ACVR1C: variants seen among roughly 807,000 people sequenced by gnomAD.
ACVR1C encodes activin A receptor type 1C.
Under a neutral mutation model 57.9 loss-of-function variants are expected in ACVR1C, and 23 were observed. The ratio of observed to expected loss-of-function variants is 0.40; its 90% CI spans 0.29 to 0.56. The LOEUF is 0.56. Ranked by LOEUF, ACVR1C falls within the 20% of genes least tolerant of loss-of-function variation. The probability of loss-of-function intolerance (pLI) is 0.50; values close to 1 mark genes in which losing one functional copy is unlikely to be tolerated. For missense variants in ACVR1C, 480 were observed against 607.9 expected, an observed-to-expected ratio of 0.79 and a Z score of 2.21; for synonymous variants, 214 against 215.3, an observed-to-expected ratio of 0.99 and a Z score of 0.05.
In ACVR1C at chr2:157,616,357, C is replaced by A. The variant is rs542008065; in HGVS notation, c.73+12215G>T. ...GTGTCAGGTCAATTGATGAGCACAC[C>A]AAAGGCATTCTTCATTTGTTTTTCA... On this transcript the variant is annotated intron_variant, in intron 1 of 8. Transcript: ENST00000243349. 2.2e-4 allele frequency among the ~76,000 whole-genome samples: 34 copies of A among 152,128 alleles called. 1 individual carries two copies. In the East Asian group the frequency reaches 6.2e-3, roughly 28 times the overall value.
At chr2:157,552,595 C>A (rs562250168) in intron 3 of ACVR1C, among the ~76,000 whole-genome samples, 59 of 152,310 alleles carry the variant, frequency 3.9e-4, no homozygotes, top group African/African-American at 1.4e-3. Flanking sequence ...AACATCACTA[C>A]CAACAACCAG....
chr2:157,613,450 G>GTT (rs149031600), intron 1 of ACVR1C, among the ~76,000 whole-genome samples: 1 of 150,458 alleles, frequency 6.6e-6, no homozygotes, highest in African/African-American at 2.4e-5. Flanking sequence ...TTTTTGTTGT[G>GTT]TTTTTTTTCC....
At chr2:157,587,644 G>C (rs1164255521) in intron 1 of ACVR1C, among the ~76,000 whole-genome samples, 1 of 151,926 alleles carries the variant, frequency 6.6e-6, no homozygotes, top group Admixed American at 6.6e-5. Flanking sequence ...ATTTATTCCA[G>C]TTGCTACTAT....
At chr2:157,601,337 A>T (rs965959040) in intron 1 of ACVR1C, among the ~76,000 whole-genome samples, 1 of 152,006 alleles carries the variant, frequency 6.6e-6, no homozygotes, top group Non-Finnish European at 1.5e-5. Context: ...TAAAAATAAA[A>T]AAAATAAAAA....
intron 4 of ACVR1C, among the ~76,000 whole-genome samples, chr2:157,546,889 CAT>C (rs1247606359): frequency 6.6e-6 from 1 of 151,742 alleles, no homozygotes; most frequent in Non-Finnish European, 1.5e-5. Context: ...CATATGTAGA[CAT>C]GTGCCATGCT....
chr2:157,586,742 A>G (rs1688931308), intron 2 of ACVR1C, among the ~76,000 whole-genome samples: 1 of 152,136 alleles, frequency 6.6e-6, no homozygotes, highest in African/African-American at 2.4e-5. Context: ...TATGCAGAGG[A>G]TATCCCTGAA....
At chr2:157,549,723 C>T (rs937505413) in intron 4 of ACVR1C, among the ~76,000 whole-genome samples, 6 of 151,356 alleles carry the variant, frequency 4.0e-5, no homozygotes, top group African/African-American at 1.2e-4. Flanking sequence ...CGGTGGCTCA[C>T]GCCTGTAATC....
At chr2:157,603,534 A>G (rs530475064) in intron 1 of ACVR1C, among the ~76,000 whole-genome samples, 1 of 152,146 alleles carries the variant, frequency 6.6e-6, no homozygotes, top group East Asian at 1.9e-4. Context: ...CAAGTAGCCC[A>G]TAAGTGTTCT....
chr2:157,620,054 T>C (rs1682734518), intron 1 of ACVR1C, among the ~76,000 whole-genome samples: 1 of 152,062 alleles, frequency 6.6e-6, no homozygotes, highest in South Asian at 2.1e-4. Context: ...TCTCTATACT[T>C]CTAAAGGGGT....
intron 2 of ACVR1C, among the ~76,000 whole-genome samples, chr2:157,564,066 C>T (rs960985371): frequency 2.0e-5 from 3 of 152,152 alleles, no homozygotes; most frequent in Non-Finnish European, 4.4e-5. Context: ...GCAAAGATTT[C>T]GTGATGAAAA....
rs577070222 is a variant in ACVR1C at position 157,535,776 on chromosome 2, C to A, written c.1357-1733G>T. On this transcript the variant is annotated intron_variant, in intron 8 of 8. Transcript: ENST00000243349. ...CCAGCCTGGGCAACAAAGCAAGATTCTGCCTCAAAAAAATAAATAAATAAA... is the reference window on the plus strand; with the variant it reads ...CCAGCCTGGGCAACAAAGCAAGATTATGCCTCAAAAAAATAAATAAATAAA... Among the ~76,000 whole-genome samples, 34 of 152,268 alleles carry A rather than the reference C, an allele frequency of 2.2e-4. No individual in the cohort carries two copies. In the South Asian group the frequency reaches 7.0e-3, roughly 31 times the overall value.
Position 157,528,974 on chromosome 2 carries a change from A to T in ACVR1C, c.*4944T>A, listed in dbSNP as rs1687296842. 1 of 152,188 alleles carries T rather than the reference A, an allele frequency of 6.6e-6. No homozygotes were observed. The highest frequency in any genetic ancestry group is 2.4e-5 in the African/African-American group (1 of 41,446). 9.4% of individuals were successfully genotyped at this position (152,188 alleles called of 1,614,324 possible). On this transcript the variant is annotated 3_prime_UTR_variant, in exon 9 of 9. Transcript: ENST00000243349. ...ACAACTAAAGAAATACAGGAATTAT[A>T]GAGTGACTTGGGATTGATGAGATCT...
At chr2:157,573,488 A>G (rs1198108929) in intron 2 of ACVR1C, among the ~76,000 whole-genome samples, 1 of 152,148 alleles carries the variant, frequency 6.6e-6, no homozygotes, top group South Asian at 2.1e-4. Context: ...TACCCTTTTA[A>G]GCACTGTATG....
intron 1 of ACVR1C, among the ~76,000 whole-genome samples, chr2:157,609,944 C>G (rs932129467): frequency 6.6e-6 from 1 of 151,914 alleles, no homozygotes; most frequent in African/African-American, 2.4e-5. Flanking sequence ...AGAATTTAAT[C>G]CATTTCTATT....
At position 157,597,138 on chromosome 2, in the gene ACVR1C, C is replaced by A. The variant is rs1028363178; in HGVS notation, c.74-9721G>T. Among the ~76,000 whole-genome samples the A allele has an allele frequency of 2.6e-5, 4 of 152,280 alleles. No homozygotes were observed. In the East Asian group the frequency reaches 5.8e-4, roughly 22 times the overall value. ...GTCCTCCAAGACGGTCCAGACAGCACCCACCAGCCTGAGGAAACCGCGGCA... is the reference window on the plus strand; with the variant it reads ...GTCCTCCAAGACGGTCCAGACAGCAACCACCAGCCTGAGGAAACCGCGGCA... On this transcript the variant is annotated intron_variant, in intron 1 of 8. Coordinates refer to ENST00000243349, the MANE Select transcript of ACVR1C (RefSeq NM_145259.3).
chr2:157,626,074 T>G (rs1395394294), intron 1 of ACVR1C, among the ~76,000 whole-genome samples: 2 of 152,134 alleles, frequency 1.3e-5, no homozygotes, highest in African/African-American at 4.8e-5. Flanking sequence ...CTCAAGCAAT[T>G]CTGTCTCAGC....
intron 2 of ACVR1C, among the ~76,000 whole-genome samples, chr2:157,576,093 T>C (rs945105683): frequency 2.0e-5 from 3 of 151,260 alleles, no homozygotes; most frequent in African/African-American, 7.3e-5. Context: ...TCCATGTAAA[T>C]CCCCTCTCTG....
chr2:157,612,103 C>T (rs1402508330), intron 1 of ACVR1C, among the ~76,000 whole-genome samples: 1 of 152,174 alleles, frequency 6.6e-6, no homozygotes, highest in Admixed American at 6.5e-5. Flanking sequence ...AGGCCACACA[C>T]CAGAGTACAG....
At chr2:157,551,402 T>C (rs766766451) in intron 3 of ACVR1C, among the ~76,000 whole-genome samples, 1 of 152,186 alleles carries the variant, frequency 6.6e-6, no homozygotes, top group Non-Finnish European at 1.5e-5. Flanking sequence ...TCAGAGCCAA[T>C]AATAATGATG....
Sources: allele counts gnomAD v4.1 joint callset (sites outside exome capture counted in the v4.1 genomes callset), GRCh38; gene constraint gnomAD v4.1.1; transcripts MANE v1.5; gene names NCBI Gene and HGNC (gene_info 2026-07-23, HGNC 2026-07-21).